The following ACSS3 variants were observed in gnomAD, a reference collection of about 807,000 sequenced individuals.
The protein encoded by ACSS3 is acyl-CoA synthetase short chain family member 3, also known as acyl-CoA synthetase short-chain family member 3, mitochondrial.
Under a neutral mutation model 84.2 loss-of-function variants are expected in ACSS3, and 64 were observed. That is an observed-to-expected ratio of 0.76 (90% confidence interval 0.62 to 0.94). The LOEUF (loss-of-function observed/expected upper bound fraction) is 0.94, where lower values mean the gene tolerates loss of function less well. ACSS3 is among the 40% of genes least tolerant of loss of function. ACSS3 has a pLI of 0.00. For synonymous variants in ACSS3, 317 were observed against 310.1 expected (o/e 1.02, Z -0.23); for missense variants, 815 against 867.6 (o/e 0.94, Z 0.76).
chr12:81,159,300 C>T (rs1037989581), intron 7 of ACSS3, among the ~76,000 whole-genome samples: 2 of 151,762 alleles, frequency 1.3e-5, no homozygotes, highest in Non-Finnish European at 2.9e-5. Context: ...AATATAAGCT[C>T]CTATCTCAAG....
At chr12:81,194,594 C>T (rs1485098410) in intron 8 of ACSS3, among the ~76,000 whole-genome samples, 4 of 151,860 alleles carry the variant, frequency 2.6e-5, no homozygotes, top group Non-Finnish European at 5.9e-5. Flanking sequence ...CCACTTTTGT[C>T]ATCCATTGTG....
At chr12:81,192,657 T>C (rs138436821) in intron 8 of ACSS3, among the ~76,000 whole-genome samples, 380 of 152,334 alleles carry the variant, frequency 2.5e-3, no homozygotes, top group African/African-American at 9.0e-3. Context: ...CTTTTTTCCA[T>C]TGTGAATTTT....
At chr12:81,218,156 A>G (rs1018407928) in intron 10 of ACSS3, among the ~76,000 whole-genome samples, 2 of 152,190 alleles carry the variant, frequency 1.3e-5, no homozygotes, top group Non-Finnish European at 2.9e-5. Context: ...AGTGCCTACC[A>G]GTAGAAAGGC....
intron 1 of ACSS3, among the ~76,000 whole-genome samples, chr12:81,086,848 T>C (rs1881347632): frequency 6.6e-6 from 1 of 152,222 alleles, no homozygotes; most frequent in African/African-American, 2.4e-5. Flanking sequence ...AATGAATCTT[T>C]GCAATTATAT....
intron 2 of ACSS3, among the ~76,000 whole-genome samples, chr12:81,121,997 G>A (rs944861681): frequency 3.3e-5 from 5 of 151,592 alleles, no homozygotes; most frequent in Non-Finnish European, 7.4e-5. Context: ...GCAGTGGCGT[G>A]ATCTTGGCTC....
At chr12:81,225,304 C>T (rs2033237146) in intron 11 of ACSS3, among the ~76,000 whole-genome samples, 1 of 151,706 alleles carries the variant, frequency 6.6e-6, no homozygotes, top group Admixed American at 6.6e-5. Flanking sequence ...TCTCAATATC[C>T]AAATTACCAC....
intron 7 of ACSS3, among the ~76,000 whole-genome samples, chr12:81,174,037 A>T (rs1477100197): frequency 6.6e-6 from 1 of 152,118 alleles, no homozygotes; most frequent in Non-Finnish European, 1.5e-5. Flanking sequence ...CTGATTATGG[A>T]AGAAGGGGAT....
chr12:81,246,303 C>T (rs1468247487), intron 13 of ACSS3, among the ~76,000 whole-genome samples: 2 of 151,980 alleles, frequency 1.3e-5, no homozygotes, highest in East Asian at 3.9e-4. Context: ...AGGGGTGGGC[C>T]CTGCTTCTTC....
At chr12:81,092,583 T>C (rs1036638146) in intron 1 of ACSS3, among the ~76,000 whole-genome samples, 1 of 152,092 alleles carries the variant, frequency 6.6e-6, no homozygotes, top group Admixed American at 6.6e-5. Context: ...AAACAACTAA[T>C]TTTAATTTTA....
chr12:81,194,876 G>A (rs988972241), intron 8 of ACSS3, among the ~76,000 whole-genome samples: 2 of 151,816 alleles, frequency 1.3e-5, no homozygotes, highest in Non-Finnish European at 2.9e-5. Flanking sequence ...AAAAATTACA[G>A]CTTGCAAAAA....
chr12:81,222,692 ATTC>A (rs1471238689), intron 11 of ACSS3, among the ~76,000 whole-genome samples: 18 of 152,064 alleles, frequency 1.2e-4, no homozygotes, highest in Admixed American at 1.2e-3. Flanking sequence ...ATTTTTCTAC[ATTC>A]TTCTTTATGA....
intron 1 of ACSS3, among the ~76,000 whole-genome samples, chr12:81,086,388 G>A (rs12311884): frequency 0.065 from 9,849 of 152,144 alleles, 790 homozygotes; most frequent in African/African-American, 0.19. Flanking sequence ...TTTAAAAGAT[G>A]GGCCTTATTT....
chr12:81,091,341 TATC>T (rs1881655820), intron 1 of ACSS3, among the ~76,000 whole-genome samples: 1 of 151,994 alleles, frequency 6.6e-6, no homozygotes, highest in African/African-American at 2.4e-5. Context: ...GCATTTATGT[TATC>T]ATAAATTATG....
At chr12:81,174,467 G>A (rs1467823044) in intron 7 of ACSS3, 1 of 187,850 alleles carries the variant, frequency 5.3e-6, no homozygotes, top group Non-Finnish European at 1.1e-5. Context: ...ACCATATATA[G>A]TTTTTTTTGG....
intron 1 of ACSS3, among the ~76,000 whole-genome samples, chr12:81,090,076 G>A (rs1226154035): frequency 6.6e-6 from 1 of 151,906 alleles, no homozygotes; most frequent in African/African-American, 2.4e-5. Flanking sequence ...TGTTAATCGG[G>A]ATTTAACTTC....
intron 9 of ACSS3, among the ~76,000 whole-genome samples, chr12:81,209,960 A>G (rs1043176140): frequency 1.3e-5 from 2 of 152,152 alleles, no homozygotes; most frequent in African/African-American, 2.4e-5. Context: ...CCAGAGGTCA[A>G]TTTCATGACC....
intron 9 of ACSS3, among the ~76,000 whole-genome samples, chr12:81,207,078 CAT>C (rs1444563693): frequency 3.3e-5 from 5 of 152,246 alleles, no homozygotes; most frequent in Non-Finnish European, 5.9e-5. Context: ...CGATTAATAA[CAT>C]AAAGTTGTTT....
chr12:81,181,764 A>AAAAAAAAAC (rs2030949131), intron 8 of ACSS3, among the ~76,000 whole-genome samples: 1 of 150,138 alleles, frequency 6.7e-6, no homozygotes, highest in Non-Finnish European at 1.5e-5. Context: ...AAAAAAAAAA[A>AAAAAAAAAC]AAAAGCAATA....
At chr12:81,157,425 T>C (rs1886929827) in intron 7 of ACSS3, among the ~76,000 whole-genome samples, 1 of 152,210 alleles carries the variant, frequency 6.6e-6, no homozygotes, top group Non-Finnish European at 1.5e-5. Flanking sequence ...AGCCTGATTG[T>C]TTCTCCTCTG....
Sources: allele counts gnomAD v4.1 joint callset (sites outside exome capture counted in the v4.1 genomes callset), GRCh38; gene constraint gnomAD v4.1.1; transcripts MANE v1.5; gene names NCBI Gene and HGNC (gene_info 2026-07-23, HGNC 2026-07-21).